GLT1D1: variants seen among roughly 807,000 people sequenced by gnomAD.
GLT1D1 encodes the protein glycosyltransferase 1 domain containing 1.
In GLT1D1, 21 loss-of-function variants were observed where a neutral mutation model predicts 28.7. That is an observed-to-expected ratio of 0.73 (90% CI 0.52 to 1.05). The LOEUF is 1.05. GLT1D1 is among the 50% of genes least tolerant of loss of function. The probability of loss-of-function intolerance (pLI) is 0.00; values close to 1 mark genes in which losing one functional copy is unlikely to be tolerated. For missense variants in GLT1D1, 343 were observed against 330.6 expected (o/e 1.04, Z -0.29); for synonymous variants, 147 against 124.8 (o/e 1.18, Z -1.19).
chr12:128,979,009 CTG>C (rs1289441519), intron 7 of GLT1D1, among the ~76,000 whole-genome samples: 2 of 152,158 alleles, frequency 1.3e-5, no homozygotes, highest in Non-Finnish European at 2.9e-5. Context: ...TCTCTGTGAC[CTG>C]TGTCTTGTGC....
chr12:128,929,891 A>T (rs1188258254), intron 4 of GLT1D1, among the ~76,000 whole-genome samples: 1 of 152,184 alleles, frequency 6.6e-6, no homozygotes, highest in Admixed American at 6.6e-5. Flanking sequence ...CACGAGAATC[A>T]CTTGAACCTG....
intron 7 of GLT1D1, among the ~76,000 whole-genome samples, chr12:128,960,173 T>C (rs779423477): frequency 6.6e-6 from 1 of 152,200 alleles, no homozygotes; most frequent in Non-Finnish European, 1.5e-5. Context: ...TTCGTGTTCA[T>C]TTCACAAAGG....
At chr12:128,961,879 A>G (rs1877988269) in intron 7 of GLT1D1, among the ~76,000 whole-genome samples, 1 of 151,960 alleles carries the variant, frequency 6.6e-6, no homozygotes, top group Non-Finnish European at 1.5e-5. Flanking sequence ...CTAAACCAAC[A>G]AAAGGAACAG....
intron 4 of GLT1D1, among the ~76,000 whole-genome samples, chr12:128,913,000 G>A (rs1593122859): frequency 6.6e-5 from 10 of 152,066 alleles, no homozygotes; most frequent in Admixed American, 6.5e-4. Flanking sequence ...TTTAAAATGC[G>A]GATCACTTAA....
chr12:128,907,787 G>A (rs1462124703), intron 4 of GLT1D1, among the ~76,000 whole-genome samples: 1 of 152,168 alleles, frequency 6.6e-6, no homozygotes, highest in African/African-American at 2.4e-5. Flanking sequence ...CCATTCCAGA[G>A]CATAGATCTT....
chr12:128,863,197 G>A lies in GLT1D1; in HGVS notation c.68+9548G>A, dbSNP rs1213973900. On this transcript the variant is annotated intron_variant, in intron 1 of 7. Transcript: ENST00000281703. The stretch of plus-strand genomic sequence containing the variant: ...ACGGACAGCCACATGGGAATAGGAT[G>A]GGATGAAAAGGGTCTGATCGAACAC... Among the ~76,000 whole-genome samples, 4 of 152,120 alleles carry A rather than the reference G, an allele frequency of 2.6e-5. No homozygotes were observed. The East Asian group carries it at 5.8e-4, about 22-fold the overall frequency.
At chr12:128,932,828 C>T (rs1179110119) in intron 4 of GLT1D1, among the ~76,000 whole-genome samples, 2 of 152,162 alleles carry the variant, frequency 1.3e-5, no homozygotes, top group East Asian at 1.9e-4. Flanking sequence ...TTTAAGATCC[C>T]TGCCTCGTCG....
chr12:128,880,485 A>G (rs780252538), intron 2 of GLT1D1, among the ~76,000 whole-genome samples: 2 of 152,210 alleles, frequency 1.3e-5, no homozygotes, highest in African/African-American at 4.8e-5. Flanking sequence ...TGAAGGTTAA[A>G]GTCTCTCTGT....
At chr12:128,965,710 T>TAAAAAAAAAAAAAAA (rs757636287) in intron 7 of GLT1D1, among the ~76,000 whole-genome samples, 1 of 104,728 alleles carries the variant, frequency 9.5e-6, no homozygotes, top group East Asian at 3.2e-4. Flanking sequence ...TGTCTCTGCT[T>TAAAAAAAAAAAAAAA]AAAAAAAAAA....
At chr12:128,877,268 T>A (rs1956890027) in intron 2 of GLT1D1, among the ~76,000 whole-genome samples, 1 of 152,234 alleles carries the variant, frequency 6.6e-6, no homozygotes, top group Non-Finnish European at 1.5e-5. Context: ...TCATTTGTGC[T>A]GCACCATTTT....
At chr12:128,908,960 A>C (rs1467825518) in intron 4 of GLT1D1, among the ~76,000 whole-genome samples, 1 of 152,050 alleles carries the variant, frequency 6.6e-6, no homozygotes. Context: ...AAAATAAATA[A>C]ATAAATAAAT....
chr12:128,905,225 T>C (rs1353277923), intron 4 of GLT1D1, among the ~76,000 whole-genome samples: 1 of 152,228 alleles, frequency 6.6e-6, no homozygotes, highest in Non-Finnish European at 1.5e-5. Flanking sequence ...AGTGACATCA[T>C]ATTTTACCTT....
chr12:128,879,696 G>A (rs10847711), intron 2 of GLT1D1, among the ~76,000 whole-genome samples: 28,862 of 151,956 alleles, frequency 0.19, 3,075 homozygotes, highest in African/African-American at 0.28. Context: ...GCTTAAAGTT[G>A]TTTGCCCGCC....
At chr12:128,892,003 G>A (rs2135836240) in intron 3 of GLT1D1, among the ~76,000 whole-genome samples, 1 of 152,298 alleles carries the variant, frequency 6.6e-6, no homozygotes, top group African/African-American at 2.4e-5. Flanking sequence ...GTCTGGAAAG[G>A]CGGGACAACT....
At chr12:128,874,082 TTCTTTCTTTCTTTCTTTCTCTC>T (rs1259527454) in intron 1 of GLT1D1, among the ~76,000 whole-genome samples, 7 of 14,800 alleles carry the variant, frequency 4.7e-4, no homozygotes, top group East Asian at 3.0e-3. Context: ...CTTTCTTTCT[TTCTTTCTTTCTTTCTTTCTCTC>T]TCTCTCTCTC....
At chr12:128,962,993 C>T (rs1047191783) in intron 7 of GLT1D1, among the ~76,000 whole-genome samples, 1 of 152,140 alleles carries the variant, frequency 6.6e-6, no homozygotes, top group Non-Finnish European at 1.5e-5. Context: ...AGCCACCGCG[C>T]CCAGCCAAAA....
intron 1 of GLT1D1, among the ~76,000 whole-genome samples, chr12:128,859,879 T>C (rs908067255): frequency 6.6e-6 from 1 of 152,184 alleles, no homozygotes; most frequent in Admixed American, 6.5e-5. Flanking sequence ...GCTTCTGCTG[T>C]CTAGTAGTTT....
intron 3 of GLT1D1, among the ~76,000 whole-genome samples, chr12:128,892,635 G>A (rs1376716272): frequency 6.6e-6 from 1 of 152,142 alleles, no homozygotes; most frequent in African/African-American, 2.4e-5. Flanking sequence ...TCTTTGTCCA[G>A]TACAACATAG....
chr12:128,917,188 T>C (rs2135895960), intron 4 of GLT1D1, among the ~76,000 whole-genome samples: 1 of 152,344 alleles, frequency 6.6e-6, no homozygotes, highest in South Asian at 2.1e-4. Context: ...CTATCTTTAT[T>C]CCAATATCAT....
Sources: gnomAD v4.1 joint callset for allele counts (sites outside exome capture counted in the v4.1 genomes callset) on GRCh38, gnomAD v4.1.1 for gene constraint, MANE v1.5 for transcripts, NCBI Gene and HGNC (gene_info 2026-07-23, HGNC 2026-07-21) for gene names.